ZBTB20: variants seen among roughly 807,000 people sequenced by gnomAD.
The protein encoded by ZBTB20 is zinc finger and BTB domain containing 20.
ZBTB20 carries 9 observed loss-of-function variants against 56.9 expected under a neutral mutation model. That is an observed-to-expected ratio of 0.16 (90% CI 0.10 to 0.28). The LOEUF (loss-of-function observed/expected upper bound fraction) is 0.28. ZBTB20 is among the 10% of genes least tolerant of loss of function. ZBTB20 has a pLI of 1.00. For missense variants in ZBTB20, 655 were observed against 1,003.0 expected, an observed-to-expected ratio of 0.65 and a Z score of 4.69; for synonymous variants, 417 against 420.7, an observed-to-expected ratio of 0.99 and a Z score of 0.11.
intron 3 of ZBTB20, among the ~76,000 whole-genome samples, chr3:114,942,454 A>G (rs2076752555): frequency 6.9e-6 from 1 of 145,586 alleles, no homozygotes; most frequent in South Asian, 2.1e-4. Context: ...TATAAAACAC[A>G]TATGGAAAAG....
intron 2 of ZBTB20, among the ~76,000 whole-genome samples, chr3:114,980,505 A>C (rs1013858441): frequency 2.0e-5 from 3 of 151,926 alleles, no homozygotes; most frequent in Non-Finnish European, 2.9e-5. Context: ...AAAATAGAAG[A>C]CTTTTTTTAA....
Position 114,426,337 on chromosome 3 carries a change from C to CAAAAA in ZBTB20, c.-254-37237_-254-37233dup, listed in dbSNP as rs60778829. 9.3e-4 allele frequency among the ~76,000 whole-genome samples: 102 copies of CAAAAA among 109,486 alleles called. 2 individuals carry two copies. Among genetic ancestry groups the CAAAAA allele is most frequent in the Admixed American group, 5.6e-3 (60 of 10,728 alleles). 71.8% of individuals were successfully genotyped at this position (109,486 alleles called of 152,430 possible). A position where few individuals can be genotyped will look rare whatever the true frequency, so the allele number is the denominator to read the frequency against. ...TGGGTGACAGAGCAAGACTCCATCT[C>CAAAAA]AAAAAAAAAAAAAAAAAAAAAAAAA... On this transcript the variant is annotated intron_variant, in intron 7 of 11. Coordinates refer to ENST00000675478, the MANE Select transcript of ZBTB20 (RefSeq NM_001348800.3).
At chr3:114,982,540 C>T (rs1311423132) in intron 2 of ZBTB20, among the ~76,000 whole-genome samples, 2 of 151,964 alleles carry the variant, frequency 1.3e-5, no homozygotes, top group African/African-American at 4.8e-5. Flanking sequence ...AAATAAATCC[C>T]ATCCTTATGG....
intron 6 of ZBTB20, among the ~76,000 whole-genome samples, chr3:114,673,566 G>A (rs74783872): frequency 8.7e-4 from 132 of 152,142 alleles, no homozygotes; most frequent in African/African-American, 3.1e-3. Flanking sequence ...CACGAAAAAG[G>A]GAAACAAAGG....
chr3:114,541,728 C>G (rs2110109163), intron 6 of ZBTB20, among the ~76,000 whole-genome samples: 3 of 152,192 alleles, frequency 2.0e-5, no homozygotes, highest in Middle Eastern at 6.8e-3. Context: ...AAGAGTAACT[C>G]AGAATATTTA....
At position 114,857,416 on chromosome 3, in the gene ZBTB20, A is replaced by C. The variant is rs529400289; in HGVS notation, c.-417+42888T>G. Among the ~76,000 whole-genome samples, 34 of 152,346 alleles carry C rather than the reference A, an allele frequency of 2.2e-4. No homozygotes were observed. The East Asian group carries it at 6.4e-3, about 29-fold the overall frequency. ...ACAAAATATTTAAGGACAGGATATG[A>C]ATAAATAAGCTAAAACCACAGAAGG... On this transcript the variant is annotated intron_variant, in intron 4 of 11. Coordinates refer to ENST00000675478, the MANE Select transcript of ZBTB20 (RefSeq NM_001348800.3).
At chr3:114,737,726 C>G (rs187934795) in intron 5 of ZBTB20, among the ~76,000 whole-genome samples, 44 of 152,218 alleles carry the variant, frequency 2.9e-4, no homozygotes, top group African/African-American at 9.9e-4. Context: ...AAAAGCCTAG[C>G]CTCCTTAGGA....
chr3:114,456,534 T>TTAAAGCACTG (rs1164213617), intron 7 of ZBTB20, among the ~76,000 whole-genome samples: 1 of 152,198 alleles, frequency 6.6e-6, no homozygotes, highest in Non-Finnish European at 1.5e-5. Context: ...CTATGTAGTT[T>TTAAAGCACTG]TAAAGCACTG....
intron 4 of ZBTB20, among the ~76,000 whole-genome samples, chr3:114,846,744 T>C (rs946843782): frequency 6.6e-6 from 1 of 152,212 alleles, no homozygotes; most frequent in African/African-American, 2.4e-5. Context: ...GTGAATTCAA[T>C]ACTGCCTGGA....
At chr3:114,778,908 A>G (rs1296323624) in intron 5 of ZBTB20, among the ~76,000 whole-genome samples, 5 of 152,254 alleles carry the variant, frequency 3.3e-5, no homozygotes, top group African/African-American at 4.8e-5. Flanking sequence ...GATGATTAAC[A>G]TAACTACTGT....
At chr3:114,993,587 A>G (rs1022791162) in intron 2 of ZBTB20, among the ~76,000 whole-genome samples, 9 of 151,918 alleles carry the variant, frequency 5.9e-5, no homozygotes, top group African/African-American at 2.2e-4. Context: ...ATGGAATAAA[A>G]TAAGAAATTA....
intron 1 of ZBTB20, among the ~76,000 whole-genome samples, chr3:115,112,252 G>A (rs1403114255): frequency 6.6e-6 from 1 of 152,020 alleles, no homozygotes; most frequent in Non-Finnish European, 1.5e-5. Flanking sequence ...AATGTGTAAT[G>A]ACAAAGTCAG....
At chr3:114,864,493 T>C (rs2075677690) in intron 4 of ZBTB20, among the ~76,000 whole-genome samples, 1 of 152,066 alleles carries the variant, frequency 6.6e-6, no homozygotes, top group African/African-American at 2.4e-5. Context: ...CAAGGATTTT[T>C]TTTTTTGGCA....
At chr3:115,117,877 T>C (rs368814810) in intron 1 of ZBTB20, among the ~76,000 whole-genome samples, 2 of 152,322 alleles carry the variant, frequency 1.3e-5, no homozygotes, top group East Asian at 3.9e-4. Flanking sequence ...GCTTTTCATC[T>C]TACTCTTAAT....
chr3:115,051,381 C>T (rs539277688), intron 2 of ZBTB20, among the ~76,000 whole-genome samples: 5 of 152,038 alleles, frequency 3.3e-5, no homozygotes, highest in African/African-American at 1.2e-4. Context: ...AATTGACATG[C>T]TTAAGAAGAT....
At chr3:114,419,828 C>T (rs1260094524) in intron 7 of ZBTB20, among the ~76,000 whole-genome samples, 1 of 151,986 alleles carries the variant, frequency 6.6e-6, no homozygotes, top group Admixed American at 6.6e-5. Flanking sequence ...GGGCAATGGC[C>T]CTTATTATGA....
At chr3:115,146,720 C>CG (rs1001136105) in intron 1 of ZBTB20, among the ~76,000 whole-genome samples, 60 of 152,066 alleles carry the variant, frequency 3.9e-4, no homozygotes, top group African/African-American at 1.4e-3. Flanking sequence ...CCACGGCAAG[C>CG]GGGGGAGGGC....
At chr3:114,981,262 T>C (rs2078315717) in intron 2 of ZBTB20, among the ~76,000 whole-genome samples, 1 of 152,026 alleles carries the variant, frequency 6.6e-6, no homozygotes, top group African/African-American at 2.4e-5. Context: ...AGGAGAATGT[T>C]TGAAGTTCCT....
At chr3:115,038,353 A>G (rs1375940157) in intron 2 of ZBTB20, among the ~76,000 whole-genome samples, 1 of 152,210 alleles carries the variant, frequency 6.6e-6, no homozygotes, top group Non-Finnish European at 1.5e-5. Flanking sequence ...GTATAATAAC[A>G]TCATAGAACT....
Sources: allele counts gnomAD v4.1 joint callset (sites outside exome capture counted in the v4.1 genomes callset), GRCh38; gene constraint gnomAD v4.1.1; transcripts MANE v1.5; gene names NCBI Gene and HGNC (gene_info 2026-07-23, HGNC 2026-07-21).